Variants in TARS2 observed in about 807,000 individuals in gnomAD.
The protein encoded by TARS2 is threonyl-tRNA synthetase 2, mitochondrial.
Under a neutral mutation model 94.4 loss-of-function variants are expected in TARS2, and 61 were observed. The observed-to-expected ratio is 0.65, with a 90% CI of 0.53 to 0.80. The LOEUF is 0.80. TARS2 is among the 30% of genes least tolerant of loss of function. The pLI is 0.00. For synonymous variants in TARS2, 359 were observed against 353.4 expected (o/e 1.02, Z -0.18); for missense variants, 704 against 902.5 (o/e 0.78, Z 2.82).
In TARS2 at chr1:150,497,765, G is replaced by T. The variant is rs1215295278; in HGVS notation, c.1238+18G>T. ...GCACACTGGTAAGCTGGGAGCTAGG[G>T]TTACAATCAGGTTGCTAAATATTAA... On this transcript the variant is annotated intron_variant, in intron 10 of 17. Transcript: ENST00000369064. 1.2e-6 allele frequency: 2 copies of T among 1,609,082 alleles called. No homozygotes were observed. The highest frequency in any genetic ancestry group is 1.7e-6 in the Non-Finnish European group (2 of 1,177,346).
chr1:150,505,499 A>C, intron 16 of TARS2, 92 bp from the exon 17 acceptor site: 7 of 1,131,122 alleles, frequency 6.2e-6, no homozygotes, highest in Non-Finnish European at 8.0e-6. Context: ...AAGGAGGAAC[A>C]GATGGGGGCA....
rs772249865 is a variant in TARS2, at chr1:150,497,557, G to A, written c.1048G>A (p.Glu350Lys). The change falls in exon 10 of 18, where the codon GAG (glutamate) becomes AAG (lysine). Residue 350 changes from glutamate to lysine, a missense_variant. Glu to Lys is a moderately conservative substitution (Grantham distance 56). Around this residue, in one of 3 missense-constraint regions of TARS2, gnomAD observed 466 missense variants for 609.5 expected, o/e 0.76. Transcript: ENST00000369064. The stretch of plus-strand genomic sequence containing the variant: ...TGAGTATGCCCATCGTGGTTTCTCC[G>A]AGGTGAAAACTCCCACACTGTTTTC... ...RAEYAHRGFS[E>K]VKTPTLFSTK... 5.6e-6 allele frequency: 9 copies of A among 1,613,950 alleles called. No individual in the cohort carries two copies. Among genetic ancestry groups the A allele is most frequent in the East Asian group, 2.2e-5 (1 of 44,902 alleles).
At chr1:150,503,545 ATG>A (rs368609900) in intron 13 of TARS2, among the ~76,000 whole-genome samples, 2,051 of 95,528 alleles carry the variant, frequency 0.021, 65 homozygotes, top group African/African-American at 0.055. Context: ...AAATACACAT[ATG>A]TGTGTGTGTG....
rs772663447 is a variant in TARS2 at position 150,504,426 on chromosome 1, A to T, written c.1709A>T (p.Gln570Leu). The T allele has an allele frequency of 6.2e-7, 1 of 1,614,126 alleles. No homozygotes were observed. Among genetic ancestry groups the T allele is most frequent in the Non-Finnish European group, 8.5e-7 (1 of 1,180,016 alleles). ...DFQLPLRFDL[Q>L]YKGQAGALER... ...CAACTGCCCCTGAGATTTGACCTCC[A>T]GTATAAGGGGTATAAAACCTTGCCC... is the stretch of plus-strand genomic sequence containing the variant. Residue 570 changes from glutamine (Q) to leucine (L), a missense_variant, in exon 14 of 18, where the codon CAG becomes CTG. Physicochemically the swap from Gln to Leu is moderately radical, Grantham distance 113. Transcript: ENST00000369064.
At chr1:150,491,269 T>G in intron 4 of TARS2, 125 bp from the exon 5 acceptor site, 3 of 858,124 alleles carry the variant, frequency 3.5e-6, no homozygotes, top group East Asian at 4.9e-5. Flanking sequence ...TGAGTTTGTC[T>G]GTCTTTGCCT....
chr1:150,504,382 G>T lies in TARS2; in HGVS notation c.1665G>T (p.Gly555=). The T allele has an allele frequency of 6.2e-7, 1 of 1,614,098 alleles. No homozygotes were observed. The highest frequency in any genetic ancestry group is 1.3e-5 in the African/African-American group (1 of 75,008). Residue 555 remains glycine (G), a synonymous_variant, in exon 14 of 18, where the codon GGG becomes GGT. Transcript: ENST00000369064. ...CCCTGGGCCGGCCACATCAGTGTGG[G>T]ACAATTCAGCTTGACTTCCAACTGC... is the stretch of plus-strand genomic sequence containing the variant. ...HDALGRPHQC[G]TIQLDFQLPL...
intron 13 of TARS2, 118 bp from the exon 14 acceptor site, chr1:150,504,217 G>A: frequency 1.1e-6 from 1 of 881,694 alleles, no homozygotes; most frequent in Non-Finnish European, 1.8e-6. Flanking sequence ...GTGACATGAT[G>A]AAGGTAGTAG....
chr1:150,506,487 C>CTTGACTCTACTGTCTCTG (rs1670217104), intron 17 of TARS2, among the ~76,000 whole-genome samples: 1 of 28,282 alleles, frequency 3.5e-5, no homozygotes, highest in Non-Finnish European at 8.1e-5. Context: ...CACGCGCGCG[C>CTTGACTCTACTGTCTCTG]ACACACACAC....
chr1:150,500,784 A>G (rs1055995666), intron 13 of TARS2, among the ~76,000 whole-genome samples: 1 of 152,196 alleles, frequency 6.6e-6, no homozygotes, highest in African/African-American at 2.4e-5. Flanking sequence ...AGGTCGCACC[A>G]CTGCACTCCA....
rs770626678 is a variant in TARS2 at position 150,488,044 on chromosome 1, C to T, written c.253C>T (p.Arg85Trp). The change falls in exon 2 of 18, where the codon CGG becomes TGG. Residue 85 changes from arginine (R) to tryptophan (W), a missense_variant. Around this residue, in one of 3 missense-constraint regions of TARS2, gnomAD observed 208 missense variants for 228.5 expected, o/e 0.91. Transcript: ENST00000369064. ...AWNTTPYQLARQISSTLADTA... is the reference protein window; with the variant it reads ...AWNTTPYQLAWQISSTLADTA... ...GAACACAACCCCCTACCAACTAGCC[C>T]GGCAGATCAGGTAACAGGCCCATCC... is the stretch of plus-strand genomic sequence containing the variant. The T allele has an allele frequency of 6.2e-7, 1 of 1,613,798 alleles. No individual in the cohort carries two copies. Among genetic ancestry groups the T allele is most frequent in the Non-Finnish European group, 8.5e-7 (1 of 1,179,888 alleles).
chr1:150,489,290 T>C, intron 3 of TARS2: 1 of 678,544 alleles, frequency 1.5e-6, no homozygotes. Flanking sequence ...AGCAAACATT[T>C]GTGCTAGTGA....
At chr1:150,492,027 C>T (rs1032166434) in intron 6 of TARS2, 9 of 244,858 alleles carry the variant, frequency 3.7e-5, no homozygotes, top group Admixed American at 6.0e-5. Context: ...AATGCAGTGG[C>T]GCGATCTCGG....
chr1:150,494,969 C>T (rs372255592), intron 7 of TARS2, among the ~76,000 whole-genome samples: 17 of 152,172 alleles, frequency 1.1e-4, no homozygotes, highest in African/African-American at 3.9e-4. Flanking sequence ...ATCATGAGGT[C>T]AGGAGATCGA....
chr1:150,491,791 GA>G, intron 6 of TARS2, 129 bp downstream of exon 6: 1 of 1,036,802 alleles, frequency 9.6e-7, no homozygotes, highest in Non-Finnish European at 1.4e-6. Flanking sequence ...AATGGGAATT[GA>G]TTTTTTTTTT....
intron 3 of TARS2, among the ~76,000 whole-genome samples, chr1:150,490,309 G>A (rs986854202): frequency 1.3e-5 from 2 of 151,850 alleles, no homozygotes; most frequent in South Asian, 2.1e-4. Context: ...AGCAGAGACA[G>A]GGTTTCACCA....
In TARS2 at chr1:150,487,857, G is replaced by A. The variant is rs1669217318; in HGVS notation, c.67-1G>A. The A allele has an allele frequency of 6.2e-7, 1 of 1,612,038 alleles. No homozygotes were observed. Among genetic ancestry groups the A allele is most frequent in the Non-Finnish European group, 8.5e-7 (1 of 1,179,610 alleles). ...ACCTGCTAATATATCTTTCCCTCCA[G>A]GCAGTTGTGTCGACCCCTCCACGCT... On this transcript the variant is annotated splice_acceptor_variant, in intron 1 of 17. Coordinates refer to ENST00000369064, the MANE Select transcript of TARS2 (RefSeq NM_025150.5). LOFTEE classifies it high-confidence loss of function.
chr1:150,499,076 C>G (rs756776402), intron 12 of TARS2, 42 bp downstream of exon 12: 1 of 1,613,810 alleles, frequency 6.2e-7, no homozygotes, highest in Non-Finnish European at 8.5e-7. Flanking sequence ...AAACCACTCT[C>G]TGGTGGGAAG....
chr1:150,488,916 G>C (rs1232109792), intron 2 of TARS2, 48 bp from the exon 3 acceptor site: 1 of 1,585,304 alleles, frequency 6.3e-7, no homozygotes, highest in East Asian at 2.2e-5. Context: ...TCCTTTTTGT[G>C]CCTTGTAACC....
intron 10 of TARS2, 129 bp from the exon 11 acceptor site, chr1:150,498,373 G>C: frequency 8.8e-7 from 1 of 1,140,768 alleles, no homozygotes; most frequent in South Asian, 1.9e-5. Context: ...CTCAGTGGGA[G>C]GATGTGCTGA....
Sources: gnomAD v4.1 joint callset for allele counts (sites outside exome capture counted in the v4.1 genomes callset) on GRCh38, gnomAD v4.1.1 for gene constraint, gnomAD v4.1.1 regional missense constraint, MANE v1.5 for transcripts, NCBI Gene and HGNC (gene_info 2026-07-23, HGNC 2026-07-21) for gene names.